GRIP1: variants seen among roughly 807,000 people sequenced by gnomAD.
GRIP1 encodes glutamate receptor-interacting protein 1.
In GRIP1, 45 loss-of-function variants were observed where a neutral mutation model predicts 129.9. The ratio of observed to expected loss-of-function variants is 0.35; its 90% CI spans 0.27 to 0.44. The LOEUF (loss-of-function observed/expected upper bound fraction) is 0.44. Among genes scored for constraint, GRIP1 ranks in the 20% least tolerant of loss-of-function variants. GRIP1 has a pLI of 1.00. For synonymous variants in GRIP1, 530 were observed against 520.8 expected (o/e 1.02, Z -0.24); for missense variants, 1,196 against 1,396.8 (o/e 0.86, Z 2.29).
At chr12:66,646,959 T>C (rs1156692357) in intron 1 of GRIP1, among the ~76,000 whole-genome samples, 1 of 152,188 alleles carries the variant, frequency 6.6e-6, no homozygotes, top group Non-Finnish European at 1.5e-5. Flanking sequence ...TTTGCAAAAT[T>C]ATAAAAGGTT....
chr12:67,042,059 GA>G (rs1258779134), intron 1 of GRIP1, among the ~76,000 whole-genome samples: 2 of 152,106 alleles, frequency 1.3e-5, no homozygotes, highest in African/African-American at 2.4e-5. Context: ...CAGCAGGACT[GA>G]GTTATTGCAG....
chr12:66,613,220 C>T (rs76367327), intron 1 of GRIP1, among the ~76,000 whole-genome samples: 3,202 of 152,240 alleles, frequency 0.021, 90 homozygotes, highest in East Asian at 0.1. Flanking sequence ...TATTAAATTA[C>T]CACTTTAATA....
chr12:66,772,616 A>G (rs1465143255), intron 1 of GRIP1, among the ~76,000 whole-genome samples: 1 of 152,200 alleles, frequency 6.6e-6, no homozygotes, highest in South Asian at 2.1e-4. Context: ...CTTGATCTGA[A>G]AAGGTAAAGG....
At chr12:66,478,245 G>C (rs1016312868) in intron 7 of GRIP1, among the ~76,000 whole-genome samples, 5 of 152,148 alleles carry the variant, frequency 3.3e-5, no homozygotes, top group African/African-American at 1.2e-4. Flanking sequence ...CTCAAAAGAA[G>C]ACATTTATGC....
chr12:66,361,534 A>T (rs2054767373), intron 23 of GRIP1, among the ~76,000 whole-genome samples: 1 of 152,188 alleles, frequency 6.6e-6, no homozygotes, highest in Admixed American at 6.5e-5. Flanking sequence ...AAAACGAAAG[A>T]GCTAGATCAT....
intron 1 of GRIP1, among the ~76,000 whole-genome samples, chr12:66,723,304 CTTTTT>C (rs57938064): frequency 0.038 from 2,211 of 58,314 alleles, 265 homozygotes; most frequent in African/African-American, 0.066. Context: ...TTCTTTCTTT[CTTTTT>C]TTTTTTTTTT....
chr12:67,048,420 T>C (rs117936651), intron 1 of GRIP1, among the ~76,000 whole-genome samples: 1 of 152,346 alleles, frequency 6.6e-6, no homozygotes, highest in East Asian at 1.9e-4. Flanking sequence ...TATACCTTTT[T>C]AAAAATTTTA....
At chr12:66,849,869 T>A (rs958148235) in intron 1 of GRIP1, among the ~76,000 whole-genome samples, 5 of 152,190 alleles carry the variant, frequency 3.3e-5, no homozygotes, top group Admixed American at 1.3e-4. Context: ...GGTAAACATA[T>A]TCTAGTGGAG....
intron 1 of GRIP1, among the ~76,000 whole-genome samples, chr12:66,813,927 G>C (rs1348542769): frequency 1.3e-5 from 2 of 152,142 alleles, no homozygotes; most frequent in Non-Finnish European, 2.9e-5. Flanking sequence ...ATGGGCAAGA[G>C]TGGAAATAGG....
intron 1 of GRIP1, among the ~76,000 whole-genome samples, chr12:66,939,339 C>G (rs1373138759): frequency 6.9e-6 from 1 of 145,824 alleles, no homozygotes; most frequent in Non-Finnish European, 1.6e-5. Context: ...AGAGCAAGAC[C>G]CTGTCTCAAA....
intron 5 of GRIP1, among the ~76,000 whole-genome samples, chr12:66,528,422 T>A (rs12816918): frequency 0.19 from 28,144 of 152,000 alleles, 2,820 homozygotes; most frequent in Middle Eastern, 0.23. Context: ...CAGGCGTGAG[T>A]CACTGTGCCC....
intron 1 of GRIP1, among the ~76,000 whole-genome samples, chr12:66,835,527 T>G (rs1438784674): frequency 6.6e-6 from 1 of 152,078 alleles, no homozygotes; most frequent in Non-Finnish European, 1.5e-5. Context: ...GGTGACGGGA[T>G]AAATAAACTG....
intron 1 of GRIP1, among the ~76,000 whole-genome samples, chr12:66,952,056 T>C (rs2041766404): frequency 6.6e-6 from 1 of 151,936 alleles, no homozygotes; most frequent in South Asian, 2.1e-4. Flanking sequence ...AACAAGATGC[T>C]TTAGAAAGAG....
At chr12:66,489,141 T>G (rs1404580024) in intron 7 of GRIP1, among the ~76,000 whole-genome samples, 1 of 152,170 alleles carries the variant, frequency 6.6e-6, no homozygotes. Context: ...ATCATTCTGG[T>G]GCCAAAACCC....
chr12:66,942,140 T>C (rs976996753), intron 1 of GRIP1, among the ~76,000 whole-genome samples: 5 of 152,248 alleles, frequency 3.3e-5, no homozygotes, highest in Admixed American at 2.0e-4. Flanking sequence ...TTCATTATTT[T>C]CTGATAAGAT....
chr12:66,979,174 C>T (rs2042198820), intron 1 of GRIP1, among the ~76,000 whole-genome samples: 1 of 134,274 alleles, frequency 7.4e-6, no homozygotes, highest in Non-Finnish European at 1.5e-5. Flanking sequence ...CCCCATGACC[C>T]CACTTGAGGA....
intron 1 of GRIP1, among the ~76,000 whole-genome samples, chr12:66,858,099 G>T (rs1364141544): frequency 6.6e-6 from 1 of 151,874 alleles, no homozygotes; most frequent in Admixed American, 6.6e-5. Flanking sequence ...TGAGGGTGGG[G>T]TGTTAATGTA....
chr12:66,540,131 T>C (rs1255536290), intron 3 of GRIP1, among the ~76,000 whole-genome samples: 1 of 152,242 alleles, frequency 6.6e-6, no homozygotes, highest in Non-Finnish European at 1.5e-5. Context: ...CGCCTAATGC[T>C]CTGTAATAAC....
chr12:66,854,179 A>C (rs958652748), intron 1 of GRIP1, among the ~76,000 whole-genome samples: 2 of 152,030 alleles, frequency 1.3e-5, no homozygotes, highest in African/African-American at 4.8e-5. Flanking sequence ...CTGTATCAAA[A>C]TGAAAACGTG....
Sources: allele counts gnomAD v4.1 joint callset (sites outside exome capture counted in the v4.1 genomes callset), GRCh38; gene constraint gnomAD v4.1.1; transcripts MANE v1.5; gene names NCBI Gene and HGNC (gene_info 2026-07-23, HGNC 2026-07-21).